Variants in LRP6 observed in about 807,000 individuals in gnomAD.
LRP6 encodes low-density lipoprotein receptor-related protein 6.
In LRP6, 43 loss-of-function variants were observed where a neutral mutation model predicts 184.1. The observed-to-expected ratio is 0.23, with a 90% CI of 0.18 to 0.30. LRP6 has a LOEUF of 0.30. Among genes scored for constraint, LRP6 ranks in the 10% least tolerant of loss-of-function variants. The pLI, the probability that LRP6 is intolerant of heterozygous loss-of-function variation, is 1.00. For missense variants in LRP6, 1,571 were observed against 2,005.3 expected, an observed-to-expected ratio of 0.78 and a Z score of 4.14; for synonymous variants, 719 against 684.9, an observed-to-expected ratio of 1.05 and a Z score of -0.78.
At chr12:12,138,676 C>T (rs920597731) in intron 15 of LRP6, 142 bp from the exon 16 acceptor site, 1 of 1,311,464 alleles carries the variant, frequency 7.6e-7, no homozygotes, top group Non-Finnish European at 1.1e-6. Flanking sequence ...ACTTAAAAAT[C>T]ATGGTAAGAC....
In LRP6 at chr12:12,158,822, A is replaced by T; in HGVS notation, c.2791+7T>A. The T allele has an allele frequency of 3.1e-6, 5 of 1,613,658 alleles. No homozygotes were observed. The highest frequency in any genetic ancestry group is 4.2e-6 in the Non-Finnish European group (5 of 1,179,626). On this transcript the variant is annotated splice_region_variant and intron_variant, in intron 12 of 22. Transcript: ENST00000261349. ...TCTAGCTTGCTTTGGAGGGAAATGC[A>T]GCTTACCACTACAAGTCCTGTTGTC...
intron 10 of LRP6, among the ~76,000 whole-genome samples, chr12:12,160,997 A>ATGCATT (rs944380461): frequency 6.6e-6 from 1 of 152,240 alleles, no homozygotes; most frequent in Non-Finnish European, 1.5e-5. Context: ...CTGCCTTTAT[A>ATGCATT]TGCATTTGCA....
chr12:12,240,604 CAT>C (rs1460918424), intron 2 of LRP6, among the ~76,000 whole-genome samples: 1 of 151,916 alleles, frequency 6.6e-6, no homozygotes, highest in East Asian at 1.9e-4. Flanking sequence ...AATAAAAATA[CAT>C]ACTTTTAAAA....
intron 2 of LRP6, among the ~76,000 whole-genome samples, chr12:12,238,440 C>T (rs1864978393): frequency 6.6e-6 from 1 of 151,814 alleles, no homozygotes; most frequent in Non-Finnish European, 1.5e-5. Flanking sequence ...AATATGAATC[C>T]TAACCAGGAT....
At chr12:12,258,784 C>T (rs896760415) in intron 1 of LRP6, among the ~76,000 whole-genome samples, 10 of 152,186 alleles carry the variant, frequency 6.6e-5, no homozygotes, top group Non-Finnish European at 1.0e-4. Flanking sequence ...TTAAATTATA[C>T]GTACCAATAA....
At chr12:12,141,491 G>T (rs1237789267) in intron 15 of LRP6, among the ~76,000 whole-genome samples, 1 of 152,050 alleles carries the variant, frequency 6.6e-6, no homozygotes, top group Non-Finnish European at 1.5e-5. Context: ...ACAAGATCAA[G>T]AATTTTAACC....
intron 7 of LRP6, 35 bp from the exon 8 acceptor site, chr12:12,165,330 T>A: frequency 1.4e-6 from 2 of 1,409,742 alleles, no homozygotes; most frequent in Admixed American, 3.3e-5. Flanking sequence ...AGGGGATGAA[T>A]TATGCATTTA....
chr12:12,231,372 G>A (rs1295518511), intron 2 of LRP6, among the ~76,000 whole-genome samples: 1 of 151,994 alleles, frequency 6.6e-6, no homozygotes, highest in Non-Finnish European at 1.5e-5. Context: ...GAACAATGAA[G>A]TAGAAAGATC....
intron 4 of LRP6, 50 bp downstream of exon 4, chr12:12,186,873 G>A (rs369194718): frequency 7.5e-6 from 11 of 1,476,096 alleles, no homozygotes; most frequent in Non-Finnish European, 9.5e-6. Flanking sequence ...AGACATTAGA[G>A]TGCTACAAAG....
intron 4 of LRP6, among the ~76,000 whole-genome samples, chr12:12,185,756 C>T (rs1565617416): frequency 1.3e-5 from 2 of 151,550 alleles, no homozygotes; most frequent in Non-Finnish European, 2.9e-5. Flanking sequence ...TTTTATTTAG[C>T]AAGCTGAGGT....
chr12:12,215,631 G>C (rs886958751), intron 2 of LRP6, among the ~76,000 whole-genome samples: 3 of 151,782 alleles, frequency 2.0e-5, no homozygotes, highest in Non-Finnish European at 2.9e-5. Flanking sequence ...GATTACAGGC[G>C]TGAGCCACCG....
rs1177994881 is a variant in LRP6 at position 12,241,499 on chromosome 12, A to C, written c.449+2763T>G. The stretch of plus-strand genomic sequence containing the variant: ...GCTCCATCATTTGTACATATATCAA[A>C]TGTATATATACCATTTGACCAGATT... On this transcript the variant is annotated intron_variant, in intron 2 of 22. Transcript: ENST00000261349. Among the ~76,000 whole-genome samples the C allele has an allele frequency of 7.9e-5, 12 of 152,286 alleles. No individual in the cohort carries two copies. In the East Asian group the frequency reaches 2.3e-3, roughly 29 times the overall value.
intron 1 of LRP6, among the ~76,000 whole-genome samples, chr12:12,254,120 G>A (rs1466015323): frequency 3.8e-5 from 5 of 132,152 alleles, no homozygotes; most frequent in African/African-American, 1.4e-4. Flanking sequence ...CTCCAGCCTG[G>A]GTGACAGAGT....
chr12:12,231,788 G>A (rs1301274471), intron 2 of LRP6, among the ~76,000 whole-genome samples: 1 of 151,914 alleles, frequency 6.6e-6, no homozygotes, highest in East Asian at 1.9e-4. Context: ...GCTGAGATGG[G>A]CAGATCACTT....
In LRP6 at chr12:12,249,130, G is replaced by A. The variant is rs576723376; in HGVS notation, c.56-4475C>T. 31 of 707,574 alleles carry A rather than the reference G, an allele frequency of 4.4e-5. 1 individual carries two copies. The highest frequency in any genetic ancestry group is 3.4e-4 in the Admixed American group (17 of 50,510). 43.8% of individuals were successfully genotyped at this position (707,574 alleles called of 1,614,324 possible). On this transcript the variant is annotated intron_variant, in intron 1 of 22. Transcript: ENST00000261349. ...GATAAAGACGTGACACTTACAAGAC[G>A]TACAGGGATGATAATTGGGCCTGCA...
In LRP6 at chr12:12,200,545, C is replaced by T. The variant is rs530145416; in HGVS notation, c.647+2658G>A. On this transcript the variant is annotated intron_variant, in intron 3 of 22. Transcript: ENST00000261349. ...TCACTTCAACATTTTCTGTTGCAGA[C>T]CAGATGTCTTCTTTCTTGGGGCAGC... 1.4e-4 allele frequency among the ~76,000 whole-genome samples: 21 copies of T among 152,248 alleles called. 1 individual carries two copies. The South Asian group carries it at 1.7e-3, about 12-fold the overall frequency.
intron 7 of LRP6, among the ~76,000 whole-genome samples, chr12:12,173,546 T>C (rs1372506971): frequency 6.6e-6 from 1 of 152,130 alleles, no homozygotes; most frequent in Non-Finnish European, 1.5e-5. Context: ...TTTTGCCATG[T>C]TGCCCAGGCT....
At position 12,120,151 on chromosome 12, in the gene LRP6, GT is replaced by G. The variant is rs1428887300; in HGVS notation, c.*974del. The G allele has an allele frequency of 2.0e-5, 3 of 150,730 alleles. No individual in the cohort carries two copies. The highest frequency in any genetic ancestry group is 7.3e-5 in the African/African-American group (3 of 40,978). 9.3% of individuals were successfully genotyped at this position (150,730 alleles called of 1,614,324 possible). On this transcript the variant is annotated 3_prime_UTR_variant, in exon 23 of 23. Transcript: ENST00000261349. Reference sequence around the variant, plus strand: ...TTCTTAAACATTGTCTATATGTGTTGTAAAAAGACATTTTAATGAGCATTAA... The same window carrying G: ...TTCTTAAACATTGTCTATATGTGTTGAAAAAGACATTTTAATGAGCATTAA...
At position 12,165,378 on chromosome 12, in the gene LRP6, T is replaced by A. The variant is rs142443152; in HGVS notation, c.1546-83A>T. On this transcript the variant is annotated intron_variant, in intron 7 of 22. Transcript: ENST00000261349. ...AAATAACAAATCCAACTGCCTGTTG[T>A]ATAAAAATCCAAGAGTCATCTTGGT... 1.4e-3 allele frequency: 1,333 copies of A among 951,198 alleles called. 4 individuals are homozygous for A. Among genetic ancestry groups the A allele is most frequent in the Admixed American group, 2.4e-3 (139 of 58,954 alleles). The allele number at this position is 951,198 out of a possible 1,614,324, so 58.9% of individuals were successfully genotyped here. A position where few individuals can be genotyped will look rare whatever the true frequency, so the allele number is the denominator to read the frequency against.
Sources: gnomAD v4.1 joint callset for allele counts (sites outside exome capture counted in the v4.1 genomes callset) on GRCh38, gnomAD v4.1.1 for gene constraint, MANE v1.5 for transcripts, NCBI Gene and HGNC (gene_info 2026-07-23, HGNC 2026-07-21) for gene names.